Variants in SLC22A8 observed in about 807,000 individuals in gnomAD.
SLC22A8 encodes solute carrier family 22 member 8.
Under a neutral mutation model 48.4 loss-of-function variants are expected in SLC22A8, and 40 were observed. The observed-to-expected ratio is 0.83, with a 90% confidence interval of 0.64 to 1.08. SLC22A8 has a LOEUF of 1.08. SLC22A8 is among the 50% of genes least tolerant of loss of function. The pLI is 0.00. For synonymous variants in SLC22A8, 268 were observed against 286.3 expected, an observed-to-expected ratio of 0.94 and a Z score of 0.65; for missense variants, 606 against 699.0, an observed-to-expected ratio of 0.87 and a Z score of 1.50.
chr11:62,999,169 A>C, intron 4 of SLC22A8, 80 bp from the exon 5 acceptor site: 1 of 1,270,420 alleles, frequency 7.9e-7, no homozygotes, highest in Admixed American at 1.8e-5. Flanking sequence ...CAGCTTCTGC[A>C]TCCCCACGGC....
chr11:63,004,999 T>C (rs1053236641), intron 2 of SLC22A8, among the ~76,000 whole-genome samples: 3 of 152,176 alleles, frequency 2.0e-5, no homozygotes, highest in Admixed American at 2.0e-4. Context: ...CACACGCCAG[T>C]GAGCAGGAGA....
chr11:63,015,016 A>G, intron 1 of SLC22A8, 33 bp from the exon 2 acceptor site: 8 of 1,458,216 alleles, frequency 5.5e-6, no homozygotes, highest in East Asian at 4.6e-5. Flanking sequence ...GGAGAGGTAT[A>G]TTTGTGCCTG....
At chr11:62,998,483 C>T (rs2086449786) in intron 5 of SLC22A8, among the ~76,000 whole-genome samples, 1 of 152,330 alleles carries the variant, frequency 6.6e-6, no homozygotes, top group Middle Eastern at 3.4e-3. Context: ...CTCCCCGAAT[C>T]TTCCTCCCAG....
chr11:63,007,702 A>C (rs1429138644), intron 2 of SLC22A8, among the ~76,000 whole-genome samples: 1 of 152,136 alleles, frequency 6.6e-6, no homozygotes, highest in African/African-American at 2.4e-5. Flanking sequence ...TTCTGGAAGG[A>C]AAGGGTAGGA....
intron 2 of SLC22A8, 152 bp downstream of exon 2, chr11:63,014,474 G>A (rs1007726366): frequency 1.6e-6 from 1 of 634,746 alleles, no homozygotes; most frequent in Non-Finnish European, 2.7e-6. Context: ...TGGTGCATGA[G>A]CTTCTGCACT....
chr11:62,993,696 G>A, intron 9 of SLC22A8, 69 bp from the exon 10 acceptor site: 3 of 1,596,716 alleles, frequency 1.9e-6, no homozygotes, highest in South Asian at 1.1e-5. Context: ...CCCCTGGGTA[G>A]AGGACAGGAC....
At chr11:63,006,021 G>A (rs997565170) in intron 2 of SLC22A8, among the ~76,000 whole-genome samples, 1 of 152,220 alleles carries the variant, frequency 6.6e-6, no homozygotes, top group Non-Finnish European at 1.5e-5. Context: ...GAGCAAATGG[G>A]AGAGATTTTT....
At chr11:62,993,362 C>G (rs748427924) in intron 10 of SLC22A8, 26 bp from the exon 11 acceptor site, 2 of 1,613,696 alleles carry the variant, frequency 1.2e-6, no homozygotes, top group African/African-American at 2.7e-5. Flanking sequence ...TAAGGAAAAG[C>G]CCTGGGCCCA....
chr11:63,013,477 G>C (rs1340642663), intron 2 of SLC22A8, among the ~76,000 whole-genome samples: 3 of 152,190 alleles, frequency 2.0e-5, no homozygotes, highest in Non-Finnish European at 4.4e-5. Context: ...CTGCCCTTGA[G>C]GGGTTCATGG....
At position 62,993,469 on chromosome 11, in the gene SLC22A8, G is replaced by A. The variant is rs1373525338; in HGVS notation, c.1484C>T (p.Thr495Ile). 1 of 1,614,200 alleles carries A rather than the reference G, an allele frequency of 6.2e-7. No individual in the cohort carries two copies. The highest frequency in any genetic ancestry group is 8.5e-7 in the Non-Finnish European group (1 of 1,180,038). ...AGTCTCTGGCAAGGGCTGATTCAGG[G>A]TCTCAGGCAGGAAGAGGGCAGCACT... Reference protein sequence around the residue: ...GGSAALFLPETLNQPLPETIE... With the variant: ...GGSAALFLPEILNQPLPETIE... The change falls in exon 10 of 11, where the codon ACC becomes ATC. Residue 495 changes from threonine (T) to isoleucine (I), a missense_variant. By Grantham distance (89) the Thr-to-Ile change is moderately conservative (BLOSUM62 -1). Transcript: ENST00000336232.
intron 3 of SLC22A8, among the ~76,000 whole-genome samples, chr11:63,000,223 C>T (rs1357831809): frequency 4.6e-5 from 7 of 152,112 alleles, no homozygotes; most frequent in Admixed American, 1.3e-4. Context: ...GTGGTTCATG[C>T]CTGTAATCCC....
At chr11:63,001,006 G>A (rs1337920300) in intron 2 of SLC22A8, 183 bp from the exon 3 acceptor site, 5 of 579,432 alleles carry the variant, frequency 8.6e-6, no homozygotes, top group African/African-American at 5.6e-5. Flanking sequence ...GTGGCTCTTC[G>A]GCCCCTGACC....
chr11:63,003,736 A>C (rs2086524154), intron 2 of SLC22A8, among the ~76,000 whole-genome samples: 1 of 152,074 alleles, frequency 6.6e-6, no homozygotes, highest in Non-Finnish European at 1.5e-5. Context: ...CTTCCACCTC[A>C]TTTGCTTAAG....
At chr11:62,998,833 C>A in intron 5 of SLC22A8, 88 bp downstream of exon 5, 1 of 1,228,210 alleles carries the variant, frequency 8.1e-7, no homozygotes, top group South Asian at 1.4e-5. Flanking sequence ...CCCGGGGACA[C>A]AGAGTTGGCC....
At chr11:62,996,288 A>G in intron 5 of SLC22A8, 136 bp from the exon 6 acceptor site, 1 of 899,438 alleles carries the variant, frequency 1.1e-6, no homozygotes. Flanking sequence ...ATTTCATGGA[A>G]TTTAAACTTG....
chr11:63,005,730 C>T (rs961871477), intron 2 of SLC22A8, among the ~76,000 whole-genome samples: 2 of 152,070 alleles, frequency 1.3e-5, no homozygotes, highest in Non-Finnish European at 2.9e-5. Flanking sequence ...CAAGGGTTTC[C>T]GGCAACCACC....
At chr11:62,995,991 A>G (rs946054649) in intron 6 of SLC22A8, 38 bp downstream of exon 6, 2 of 1,613,874 alleles carry the variant, frequency 1.2e-6, no homozygotes, top group Non-Finnish European at 1.7e-6. Flanking sequence ...AGTGGAGCAC[A>G]GGGGTTCTGC....
At position 62,996,048 on chromosome 11, in the gene SLC22A8, C is replaced by T. The variant is rs1001784854; in HGVS notation, c.866G>A (p.Gly289Glu). Reference protein sequence around the residue: ...VAVFNGKKEEGERLSLEELKL... With the variant: ...VAVFNGKKEEEERLSLEELKL... ...CCCTACCTCCAAGCTGAGCCTTTCT[C>T]CCTCTTCCTTCTTGCCATTGAAGAC... Residue 289 changes from glycine (G) to glutamate (E), a missense_variant, in exon 6 of 11, where the codon GGA becomes GAA. Gly to Glu is a moderately conservative substitution (Grantham distance 98). Coordinates refer to ENST00000336232, the MANE Select transcript of SLC22A8 (RefSeq NM_004254.4). The T allele has an allele frequency of 4.3e-6, 7 of 1,613,970 alleles. No homozygotes were observed. The South Asian group carries it at 5.5e-5, about 13-fold the overall frequency.
At chr11:63,006,692 C>T (rs34701054) in intron 2 of SLC22A8, among the ~76,000 whole-genome samples, 31,797 of 139,032 alleles carry the variant, frequency 0.23, 4,060 homozygotes, top group South Asian at 0.47. Context: ...ACTGTAACCT[C>T]TACCTCCCAG....
Sources: allele counts gnomAD v4.1 joint callset (sites outside exome capture counted in the v4.1 genomes callset), GRCh38; gene constraint gnomAD v4.1.1; transcripts MANE v1.5; gene names NCBI Gene and HGNC (gene_info 2026-07-23, HGNC 2026-07-21).